The following DCP1B variants were observed in gnomAD, a reference collection of about 807,000 sequenced individuals.
DCP1B encodes mRNA-decapping enzyme 1B.
In DCP1B, 47 loss-of-function variants were observed where a neutral mutation model predicts 60.5. That is an observed-to-expected ratio of 0.78 (90% confidence interval 0.61 to 0.99). DCP1B has a LOEUF of 0.99. Ranked by LOEUF, DCP1B falls within the 50% of genes least tolerant of loss-of-function variation. The pLI is 0.00. For synonymous variants in DCP1B, 267 were observed against 280.3 expected (o/e 0.95, Z 0.47); for missense variants, 725 against 756.8 (o/e 0.96, Z 0.49).
intron 7 of DCP1B, among the ~76,000 whole-genome samples, chr12:1,951,250 G>C (rs2030657585): frequency 6.6e-6 from 1 of 152,154 alleles, no homozygotes; most frequent in South Asian, 2.1e-4. Context: ...ACTCCAGCCT[G>C]GGCGACAAGA....
chr12:2,002,949 G>A lies in DCP1B; in HGVS notation c.150+1333C>T, dbSNP rs113754638. Among the ~76,000 whole-genome samples the A allele has an allele frequency of 4.6e-5, 7 of 152,172 alleles. 1 individual carries two copies. The highest frequency in any genetic ancestry group is 1.7e-4 in the African/African-American group (7 of 41,508). ...AAAAAAGTAGGTGACAAATTCCCCT[G>A]GAAACTAGGGGGAAATAACCTCTTT... On this transcript the variant is annotated intron_variant, in intron 1 of 8. Coordinates refer to ENST00000280665, the MANE Select transcript of DCP1B (RefSeq NM_152640.5).
chr12:1,972,903 G>A (rs1014717912), intron 3 of DCP1B, among the ~76,000 whole-genome samples: 20 of 152,152 alleles, frequency 1.3e-4, no homozygotes, highest in Admixed American at 1.2e-3. Context: ...TAGTGGCAGT[G>A]TTTTCACAGC....
At chr12:1,985,349 T>C (rs1472849711) in intron 3 of DCP1B, among the ~76,000 whole-genome samples, 1 of 152,220 alleles carries the variant, frequency 6.6e-6, no homozygotes, top group Non-Finnish European at 1.5e-5. Context: ...TATTGACCTA[T>C]CTATGAGTTC....
At position 1,953,412 on chromosome 12, in the gene DCP1B, A is replaced by AAAT. The variant is rs569917295; in HGVS notation, c.652-127_652-125dup. 4 of 1,155,302 alleles carry AAAT rather than the reference A, an allele frequency of 3.5e-6. No homozygotes were observed. The African/African-American group carries it at 4.7e-5, about 14-fold the overall frequency. The allele number at this position is 1,155,302 out of a possible 1,614,324, so 71.6% of individuals were successfully genotyped here. A position where few individuals can be genotyped will look rare whatever the true frequency, so the allele number is the denominator to read the frequency against. On this transcript the variant is annotated intron_variant, in intron 6 of 8. Transcript: ENST00000280665. ...CAAAGGATTGATTAGAGAGAATGAAAAATAATAATAATAAACTTGAAAAAT... is the reference window on the plus strand; with the variant it reads ...CAAAGGATTGATTAGAGAGAATGAAAAATAATAATAATAATAAACTTGAAAAAT...
intron 3 of DCP1B, among the ~76,000 whole-genome samples, chr12:1,987,813 T>C (rs977018167): frequency 1.3e-5 from 2 of 152,216 alleles, no homozygotes; most frequent in African/African-American, 4.8e-5. Context: ...CATGGTGTAC[T>C]ATGATTACAT....
At chr12:1,998,163 C>A (rs184602398) in intron 1 of DCP1B, among the ~76,000 whole-genome samples, 188 bp from the exon 2 acceptor site, 43 of 152,326 alleles carry the variant, frequency 2.8e-4, no homozygotes, top group African/African-American at 7.2e-4. Flanking sequence ...GCAGATTAGG[C>A]AGCAGGAAGC....
At chr12:2,004,201 C>T (rs750600037) in intron 1 of DCP1B, 81 bp downstream of exon 1, 3 of 1,572,060 alleles carry the variant, frequency 1.9e-6, no homozygotes, top group East Asian at 2.3e-5. Context: ...TCCCCCTCAC[C>T]GGGTCCTCAA....
chr12:1,955,434 G>C lies in DCP1B; in HGVS notation c.649C>G (p.Gln217Glu). 2 of 1,612,600 alleles carry C rather than the reference G, an allele frequency of 1.2e-6. No homozygotes were observed. The highest frequency in any genetic ancestry group is 8.5e-7 in the Non-Finnish European group (1 of 1,179,156). The change falls in exon 6 of 9, where the codon CAG becomes GAG. Residue 217 changes from glutamine (Q) to glutamate (E), a missense_variant and splice_region_variant. By Grantham distance (29) the Gln-to-Glu change is conservative. Coordinates refer to ENST00000280665, the MANE Select transcript of DCP1B (RefSeq NM_152640.5). ...ATGACAAGCAGAGAACTCCGTACCTGGTTGGGCTGAGGTATACGCTGTTGC... is the reference window on the plus strand; with the variant it reads ...ATGACAAGCAGAGAACTCCGTACCTCGTTGGGCTGAGGTATACGCTGTTGC... ...NQQQRIPQPN[Q>E]TLDPEPQHLS...
rs1004560431 is a variant in DCP1B, at chr12:1,971,295, C to CT, written c.320-3386dup. The CT allele has an allele frequency of 6.0e-6, 4 of 670,798 alleles. No homozygotes were observed. The highest frequency in any genetic ancestry group is 1.7e-5 in the South Asian group (1 of 57,352). 41.6% of individuals were successfully genotyped at this position (670,798 alleles called of 1,614,324 possible). On this transcript the variant is annotated intron_variant, in intron 3 of 8. Transcript: ENST00000280665. This position sits in a 1 kb window ranked among gnomAD's most constrained non-coding sequence, Gnocchi z 4.2. ...ATACCTAGAATGTGACTTCCTCACT[C>CT]TAAGAACTCATCTCTCCATATTTAA...
chr12:1,952,645 T>G lies in DCP1B; in HGVS notation c.1295A>C (p.Gln432Pro), dbSNP rs750973340. ...HGREQSTLPR[Q>P]TLPISGSQTG... Reference sequence around the variant, plus strand: ...CTGACTACCAGAGATGGGGAGTGTTTGTCTTGGGAGTGTGGACTGTTCTCT... The same window carrying G: ...CTGACTACCAGAGATGGGGAGTGTTGGTCTTGGGAGTGTGGACTGTTCTCT... Residue 432 changes from glutamine to proline, a missense_variant, in exon 7 of 9, where the codon CAA becomes CCA. Physicochemically the swap from Gln to Pro is moderately conservative, Grantham distance 76 (BLOSUM62 -1). Transcript: ENST00000280665. 20 of 1,614,004 alleles carry G rather than the reference T, an allele frequency of 1.2e-5. No individual in the cohort carries two copies. The Admixed American group carries it at 1.7e-4, about 13-fold the overall frequency.
chr12:1,977,840 G>C (rs1197526831), intron 3 of DCP1B, among the ~76,000 whole-genome samples: 1 of 152,054 alleles, frequency 6.6e-6, no homozygotes, highest in Non-Finnish European at 1.5e-5. Flanking sequence ...TTTACTATGG[G>C]TATATACAGG....
chr12:1,953,370 A>G, intron 6 of DCP1B, 82 bp from the exon 7 acceptor site: 1 of 1,389,362 alleles, frequency 7.2e-7, no homozygotes, highest in Non-Finnish European at 9.6e-7. Flanking sequence ...AACTTATCTG[A>G]TGACTTATTC....
At position 1,977,872 on chromosome 12, in the gene DCP1B, T is replaced by G. The variant is rs183602688; in HGVS notation, c.320-9962A>C. On this transcript the variant is annotated intron_variant, in intron 3 of 8. Coordinates refer to ENST00000280665, the MANE Select transcript of DCP1B (RefSeq NM_152640.5). ...CAGGTACACTTTAACTTTGGAGCTT[T>G]GGAAGACAATCAAGTTTATACTTCA... Among the ~76,000 whole-genome samples, 18 of 152,354 alleles carry G rather than the reference T, an allele frequency of 1.2e-4. No homozygotes were observed. In the East Asian group the frequency reaches 2.9e-3, roughly 24 times the overall value.
At chr12:1,980,542 T>C (rs2035803580) in intron 3 of DCP1B, among the ~76,000 whole-genome samples, 1 of 151,922 alleles carries the variant, frequency 6.6e-6, no homozygotes. Flanking sequence ...CTTTTCATTA[T>C]CCCAAAGGTA....
chr12:1,950,545 C>T (rs1183285111), intron 7 of DCP1B, among the ~76,000 whole-genome samples: 2 of 152,116 alleles, frequency 1.3e-5, no homozygotes, highest in Non-Finnish European at 2.9e-5. Flanking sequence ...CTATAGCAGT[C>T]GGTACTCAGA....
chr12:1,949,298 G>A lies in DCP1B; in HGVS notation c.1561C>T (p.Pro521Ser), dbSNP rs139713425. The A allele has an allele frequency of 7.4e-6, 12 of 1,614,006 alleles. No individual in the cohort carries two copies. In the African/African-American group the frequency reaches 1.6e-4, roughly 22 times the overall value. ...SPQRIPATAAPSLLMSPMVFA... is the reference protein window; with the variant it reads ...SPQRIPATAASSLLMSPMVFA... ...ACCATGGGGGACATAAGCAGAGACG[G>A]AGCTGCTGTAGCAGGGATGCGCTGA... Residue 521 changes from proline (P) to serine (S), a missense_variant, in exon 8 of 9, where the codon CCG becomes TCG. Physicochemically the swap from Pro to Ser is moderately conservative, Grantham distance 74. Coordinates refer to ENST00000280665, the MANE Select transcript of DCP1B (RefSeq NM_152640.5).
At chr12:1,957,637 T>C (rs2030933311) in intron 5 of DCP1B, among the ~76,000 whole-genome samples, 2 of 152,220 alleles carry the variant, frequency 1.3e-5, no homozygotes, top group South Asian at 2.1e-4. Flanking sequence ...GTCCTGCCTC[T>C]TGTTCTTACT....
intron 2 of DCP1B, 43 bp downstream of exon 2, chr12:1,997,892 T>G (rs1477547824): frequency 6.7e-7 from 1 of 1,499,626 alleles, no homozygotes; most frequent in Non-Finnish European, 9.2e-7. Flanking sequence ...GCTAAAATAT[T>G]ATTTTGAAGA....
At chr12:1,988,992 T>C (rs1315958565) in intron 3 of DCP1B, among the ~76,000 whole-genome samples, 2 of 152,216 alleles carry the variant, frequency 1.3e-5, no homozygotes, top group Non-Finnish European at 2.9e-5. Context: ...AAACTTCAGG[T>C]TTACATCTGC....
Sources: allele counts gnomAD v4.1 joint callset (sites outside exome capture counted in the v4.1 genomes callset), GRCh38; gene constraint gnomAD v4.1.1; non-coding constraint Gnocchi (gnomAD v3.1); transcripts MANE v1.5; gene names NCBI Gene and HGNC (gene_info 2026-07-23, HGNC 2026-07-21).